FAM3B: variants seen among roughly 807,000 people sequenced by gnomAD.
FAM3B encodes the protein FAM3 metabolism regulating signaling molecule B, also known as protein FAM3B.
A neutral mutation model predicts 28.4 loss-of-function variants in FAM3B; 29 were observed. The ratio of observed to expected loss-of-function variants is 1.02; its 90% CI spans 0.76 to 1.39. FAM3B has a LOEUF of 1.39. Among genes scored for constraint, FAM3B ranks in the 40% most tolerant of loss-of-function variants. The pLI is 0.00. For missense variants in FAM3B, 266 were observed against 293.9 expected, an observed-to-expected ratio of 0.91 and a Z score of 0.69; for synonymous variants, 91 against 103.0, an observed-to-expected ratio of 0.88 and a Z score of 0.71.
chr21:41,345,653 T>C (rs1010925988), intron 4 of FAM3B, 33 bp from the exon 5 acceptor site: 1 of 1,456,358 alleles, frequency 6.9e-7, no homozygotes, highest in African/African-American at 1.4e-5. Context: ...TTCTGTGAAC[T>C]TTCTTTTAAA....
chr21:41,328,894 C>G (rs1333385699), intron 2 of FAM3B, among the ~76,000 whole-genome samples: 2 of 152,172 alleles, frequency 1.3e-5, no homozygotes, highest in East Asian at 1.9e-4. Flanking sequence ...AAACCCAGAC[C>G]ACGTCCAGCT....
intron 2 of FAM3B, among the ~76,000 whole-genome samples, chr21:41,330,838 C>A (rs986846572): frequency 6.6e-6 from 1 of 152,198 alleles, no homozygotes. Flanking sequence ...CTTATTCATT[C>A]ATTCATCGAT....
intron 7 of FAM3B, among the ~76,000 whole-genome samples, chr21:41,354,349 A>G (rs899630718): frequency 4.6e-5 from 7 of 152,384 alleles, no homozygotes; most frequent in Admixed American, 2.0e-4. Flanking sequence ...AAAGGAATAG[A>G]AATTGTTATA....
At chr21:41,339,633 G>A (rs1354489361) in intron 3 of FAM3B, among the ~76,000 whole-genome samples, 2 of 152,160 alleles carry the variant, frequency 1.3e-5, no homozygotes, top group African/African-American at 2.4e-5. Flanking sequence ...TTGGTTCCTA[G>A]TACTATTAAC....
chr21:41,354,689 G>A (rs935376759), intron 7 of FAM3B, among the ~76,000 whole-genome samples: 12 of 152,148 alleles, frequency 7.9e-5, no homozygotes, highest in African/African-American at 2.9e-4. Context: ...TTGGAGGCTG[G>A]AAGGTGGGAG....
rs2088855284 is a variant in FAM3B, at chr21:41,326,404, A to G, written c.163+3338A>G. On this transcript the variant is annotated intron_variant, in intron 2 of 7. Transcript: ENST00000357985. This position sits in a 1 kb window ranked among gnomAD's most constrained non-coding sequence, Gnocchi z 4.0. Reference sequence around the variant, plus strand: ...CTGCCCACTCCCAGGCCCTGTGAGGAAACACAAATGCCCATCTGTGTGTCA... The same window carrying G: ...CTGCCCACTCCCAGGCCCTGTGAGGGAACACAAATGCCCATCTGTGTGTCA... 6.6e-6 allele frequency among the ~76,000 whole-genome samples: 1 copy of G among 152,198 alleles called. No individual in the cohort carries two copies.
chr21:41,314,936 A>G (rs2088736875), upstream of FAM3B, among the ~76,000 whole-genome samples: 1 of 152,196 alleles, frequency 6.6e-6, no homozygotes, highest in South Asian at 2.1e-4. Flanking sequence ...ACTTCTCAGT[A>G]TGTATCCAAA....
intron 1 of FAM3B, among the ~76,000 whole-genome samples, chr21:41,310,692 G>A (rs2088703986): frequency 6.6e-6 from 1 of 152,180 alleles, no homozygotes; most frequent in Non-Finnish European, 1.5e-5. Flanking sequence ...CTCCCAGGGT[G>A]CATGCTGGGA....
intron 1 of FAM3B, among the ~76,000 whole-genome samples, chr21:41,321,482 T>C (rs1353214982): frequency 6.6e-6 from 1 of 152,176 alleles, no homozygotes; most frequent in African/African-American, 2.4e-5. Flanking sequence ...CTGTGTCTGG[T>C]TTATCTGCTT....
At chr21:41,318,451 G>A (rs1365628342) in intron 1 of FAM3B, among the ~76,000 whole-genome samples, 1 of 152,198 alleles carries the variant, frequency 6.6e-6, no homozygotes, top group Non-Finnish European at 1.5e-5. Flanking sequence ...CCTGTGGACC[G>A]TCAAGGCCGG....
chr21:41,316,340 G>T (rs2088748623), upstream of FAM3B, among the ~76,000 whole-genome samples: 1 of 152,236 alleles, frequency 6.6e-6, no homozygotes, highest in African/African-American at 2.4e-5. Flanking sequence ...TGCTAGGCTG[G>T]GCTGGGCTGG....
chr21:41,320,980 T>G (rs2088798269), intron 1 of FAM3B: 1 of 152,154 alleles, frequency 6.6e-6, no homozygotes, highest in South Asian at 2.1e-4. Flanking sequence ...ATTCAAAAGG[T>G]AAATAATGTT....
intron 2 of FAM3B, among the ~76,000 whole-genome samples, chr21:41,333,105 G>A (rs1032477018): frequency 5.6e-5 from 8 of 142,098 alleles, no homozygotes; most frequent in African/African-American, 1.6e-4. Context: ...GCTGTATGTC[G>A]TAAGTTTTGA....
rs770500702 is a variant in FAM3B at position 41,323,055 on chromosome 21, C to T, written c.152C>T (p.Pro51Leu). ...AGCATCCGCAGCATCGGGGAGAGGC[C>T]TGTCCTCAAAGGTGAGTGCCGTGCT... ...AYSIRSIGERPVLKAPVPKRQ... is the reference protein window; with the variant it reads ...AYSIRSIGERLVLKAPVPKRQ... The change falls in exon 2 of 8, where the codon CCT becomes CTT. Residue 51 changes from proline (P) to leucine (L), a missense_variant. Physicochemically the swap from Pro to Leu is moderately conservative, Grantham distance 98. Transcript: ENST00000357985. The T allele has an allele frequency of 1.2e-6, 2 of 1,605,032 alleles. No homozygotes were observed. The highest frequency in any genetic ancestry group is 1.7e-6 in the Non-Finnish European group (2 of 1,179,982).
At chr21:41,305,783 G>A (rs2088679848) in intron 1 of FAM3B, among the ~76,000 whole-genome samples, 1 of 152,232 alleles carries the variant, frequency 6.6e-6, no homozygotes. Flanking sequence ...GGAGGGCCTT[G>A]CCTCAGTGTG....
intron 1 of FAM3B, chr21:41,320,812 G>A (rs1309896063): frequency 1.3e-5 from 2 of 152,186 alleles, no homozygotes; most frequent in African/African-American, 4.8e-5. Flanking sequence ...CCGGAAGAGA[G>A]CTCCCTGCCG....
chr21:41,315,617 C>T (rs1245606114), upstream of FAM3B, among the ~76,000 whole-genome samples: 1 of 152,094 alleles, frequency 6.6e-6, no homozygotes, highest in Admixed American at 6.6e-5. Flanking sequence ...CAGACTCAAA[C>T]GGGCCGTGCT....
At position 41,316,803 on chromosome 21, in the gene FAM3B, T is replaced by TC. The variant is rs1441845044; in HGVS notation, c.-75dup. On this transcript the variant is annotated 5_prime_UTR_variant, in exon 1 of 8. Transcript: ENST00000357985. Reference sequence around the variant, plus strand: ...CACGACCGCTGCCCGCCCCTTGCCTTCCTGACCCAGGGGCTCCGCTGGCTG... The same window carrying TC: ...CACGACCGCTGCCCGCCCCTTGCCTTCCCTGACCCAGGGGCTCCGCTGGCTG... 5.0e-6 allele frequency: 7 copies of TC among 1,389,654 alleles called. No individual in the cohort carries two copies. Among genetic ancestry groups the TC allele is most frequent in the Admixed American group, 6.4e-5 (2 of 31,162 alleles). The allele number at this position is 1,389,654 out of a possible 1,614,324, so 86.1% of individuals were successfully genotyped here.
chr21:41,347,084 G>A lies in FAM3B; in HGVS notation c.469G>A (p.Asp157Asn), dbSNP rs148783965. 6.9e-4 allele frequency: 1,117 copies of A among 1,614,150 alleles called. 1 individual carries two copies. Among genetic ancestry groups the A allele is most frequent in the Non-Finnish European group, 8.7e-4 (1,031 of 1,180,026 alleles). ...ATCCCTGCTCTTCATGGTGACCTATGACGACGGAAGCACAAGGTGAGTGGG... is the reference window on the plus strand; with the variant it reads ...ATCCCTGCTCTTCATGGTGACCTATAACGACGGAAGCACAAGGTGAGTGGG... ...PKSLLFMVTYDDGSTRLNNDA... is the reference protein window; with the variant it reads ...PKSLLFMVTYNDGSTRLNNDA... The change falls in exon 6 of 8, where the codon GAC becomes AAC. Residue 157 changes from aspartate (D) to asparagine (N), a missense_variant. By Grantham distance (23) the Asp-to-Asn change is conservative (BLOSUM62 1). Transcript: ENST00000357985.
Sources: allele counts gnomAD v4.1 joint callset (sites outside exome capture counted in the v4.1 genomes callset), GRCh38; gene constraint gnomAD v4.1.1; non-coding constraint Gnocchi (gnomAD v3.1); transcripts MANE v1.5; gene names NCBI Gene and HGNC (gene_info 2026-07-23, HGNC 2026-07-21).